GPC5: variants seen among roughly 807,000 people sequenced by gnomAD.
GPC5 encodes glypican-5.
A neutral mutation model predicts 53.9 loss-of-function variants in GPC5; 47 were observed. The observed-to-expected ratio is 0.87, with a 90% CI of 0.69 to 1.11. The LOEUF (loss-of-function observed/expected upper bound fraction) is 1.11, where lower values mean the gene tolerates loss of function less well. Among genes scored for constraint, GPC5 ranks in the 50% most tolerant of loss-of-function variants. The pLI is 0.00. For synonymous variants in GPC5, 286 were observed against 263.3 expected, an observed-to-expected ratio of 1.09 and a Z score of -0.84; for missense variants, 748 against 713.1, an observed-to-expected ratio of 1.05 and a Z score of -0.56.
intron 5 of GPC5, among the ~76,000 whole-genome samples, chr13:91,830,081 A>G (rs1027829689): frequency 3.3e-5 from 5 of 151,048 alleles, no homozygotes; most frequent in African/African-American, 1.2e-4. Flanking sequence ...TGGGAGTGCT[A>G]TGGGAGATGG....
chr13:91,662,062 A>G (rs2035000173), intron 2 of GPC5, among the ~76,000 whole-genome samples: 1 of 152,154 alleles, frequency 6.6e-6, no homozygotes, highest in African/African-American at 2.4e-5. Flanking sequence ...CACATATGGT[A>G]TTTAAAGCTA....
chr13:91,437,568 A>G (rs1269545623), intron 1 of GPC5, among the ~76,000 whole-genome samples: 1 of 152,128 alleles, frequency 6.6e-6, no homozygotes, highest in Non-Finnish European at 1.5e-5. Flanking sequence ...TGTTAGTCTG[A>G]TGGGCTTCCC....
chr13:91,825,374 A>G (rs988578997), intron 5 of GPC5, among the ~76,000 whole-genome samples: 6 of 152,136 alleles, frequency 3.9e-5, no homozygotes, highest in African/African-American at 1.4e-4. Flanking sequence ...GTTGTGTCTA[A>G]GCACATGTTT....
intron 7 of GPC5, among the ~76,000 whole-genome samples, chr13:92,550,732 T>C (rs1021688911): frequency 1.3e-5 from 2 of 151,928 alleles, no homozygotes; most frequent in Non-Finnish European, 2.9e-5. Context: ...ACTACTTGAT[T>C]GATGGCGCTT....
intron 7 of GPC5, among the ~76,000 whole-genome samples, chr13:92,692,749 C>T (rs546545053): frequency 1.1e-3 from 78 of 73,824 alleles, no homozygotes; most frequent in African/African-American, 2.0e-3. Flanking sequence ...TCACCAATAT[C>T]GGCTATTTTT....
intron 7 of GPC5, among the ~76,000 whole-genome samples, chr13:92,462,730 T>TC (rs1878540442): frequency 6.6e-6 from 1 of 151,242 alleles, no homozygotes; most frequent in African/African-American, 2.4e-5. Flanking sequence ...TTTTTTTTTT[T>TC]TTTCGCCCGG....
At chr13:91,888,828 A>G (rs1706144093) in intron 5 of GPC5, among the ~76,000 whole-genome samples, 1 of 152,168 alleles carries the variant, frequency 6.6e-6, no homozygotes, top group Non-Finnish European at 1.5e-5. Context: ...GAGAAGGAAT[A>G]TTGAGAACAA....
At chr13:91,610,390 C>T (rs1034777279) in intron 2 of GPC5, among the ~76,000 whole-genome samples, 2 of 152,160 alleles carry the variant, frequency 1.3e-5, no homozygotes, top group Admixed American at 6.5e-5. Context: ...TCTTCCGTAG[C>T]TCATTTTATC....
At chr13:91,818,616 G>A (rs1376054408) in intron 5 of GPC5, among the ~76,000 whole-genome samples, 1 of 152,126 alleles carries the variant, frequency 6.6e-6, no homozygotes, top group Non-Finnish European at 1.5e-5. Flanking sequence ...GATAACCATG[G>A]TAAGATTGAG....
chr13:92,727,907 T>C (rs1486269731), intron 7 of GPC5, among the ~76,000 whole-genome samples: 1 of 151,412 alleles, frequency 6.6e-6, no homozygotes, highest in Admixed American at 6.6e-5. Flanking sequence ...TCTCCTACTT[T>C]TTGTCTCAGT....
intron 7 of GPC5, among the ~76,000 whole-genome samples, chr13:92,680,485 G>C (rs1013934008): frequency 3.3e-5 from 5 of 152,132 alleles, no homozygotes; most frequent in Admixed American, 2.6e-4. Flanking sequence ...TAGAGAAAGT[G>C]AAGCAAAAAG....
intron 6 of GPC5, among the ~76,000 whole-genome samples, chr13:92,079,289 A>T (rs2041276576): frequency 6.6e-6 from 1 of 152,040 alleles, no homozygotes; most frequent in Non-Finnish European, 1.5e-5. Flanking sequence ...TGACCTCATG[A>T]TCCGCCCACC....
chr13:92,793,397 G>A (rs555983830), intron 7 of GPC5, among the ~76,000 whole-genome samples: 84 of 152,204 alleles, frequency 5.5e-4, no homozygotes, highest in Non-Finnish European at 1.1e-3. Flanking sequence ...TGTGTGCAGG[G>A]ACATTTATAG....
chr13:92,176,938 C>T lies in GPC5; in HGVS notation c.1561+31949C>T, dbSNP rs553575785. Reference sequence around the variant, plus strand: ...ACCAATGATATAACAGGCACTGCTTCACCCTGCCACTATGCTATAGTTGTA... The same window carrying T: ...ACCAATGATATAACAGGCACTGCTTTACCCTGCCACTATGCTATAGTTGTA... On this transcript the variant is annotated intron_variant, in intron 7 of 7. Coordinates refer to ENST00000377067, the MANE Select transcript of GPC5 (RefSeq NM_004466.6). 8.5e-5 allele frequency among the ~76,000 whole-genome samples: 13 copies of T among 152,344 alleles called. No individual in the cohort carries two copies. In the South Asian group the frequency reaches 2.7e-3, roughly 32 times the overall value.
At chr13:91,843,023 C>T (rs1268688489) in intron 5 of GPC5, among the ~76,000 whole-genome samples, 3 of 152,062 alleles carry the variant, frequency 2.0e-5, no homozygotes, top group African/African-American at 7.2e-5. Flanking sequence ...TAAGTGTCTC[C>T]TTTTTTTCTA....
intron 7 of GPC5, among the ~76,000 whole-genome samples, chr13:92,212,122 T>G (rs1441572941): frequency 6.6e-6 from 1 of 151,766 alleles, no homozygotes; most frequent in East Asian, 1.9e-4. Context: ...GATTGCAATT[T>G]TAGATGAGAT....
intron 4 of GPC5, among the ~76,000 whole-genome samples, chr13:91,752,446 T>G (rs1310248537): frequency 1.3e-5 from 2 of 152,180 alleles, no homozygotes; most frequent in African/African-American, 4.8e-5. Flanking sequence ...ATATGAATTT[T>G]TTTGTGGTGG....
intron 2 of GPC5, among the ~76,000 whole-genome samples, chr13:91,513,190 C>T (rs1274314254): frequency 1.3e-5 from 2 of 152,160 alleles, no homozygotes; most frequent in Non-Finnish European, 2.9e-5. Context: ...ATGATAGATT[C>T]ACAGGCCGTT....
intron 3 of GPC5, among the ~76,000 whole-genome samples, chr13:91,705,431 A>C (rs2036077783): frequency 6.6e-6 from 1 of 152,202 alleles, no homozygotes; most frequent in Non-Finnish European, 1.5e-5. Context: ...TGTCAATAGA[A>C]AGCATGGTAG....
Sources: allele counts gnomAD v4.1 joint callset (sites outside exome capture counted in the v4.1 genomes callset), GRCh38; gene constraint gnomAD v4.1.1; transcripts MANE v1.5; gene names NCBI Gene and HGNC (gene_info 2026-07-23, HGNC 2026-07-21).